ATG7: variants seen among roughly 807,000 people sequenced by gnomAD.
The protein encoded by ATG7 is autophagy related 7.
Under a neutral mutation model 82.4 loss-of-function variants are expected in ATG7, and 70 were observed. The observed-to-expected ratio is 0.85, with a 90% CI of 0.70 to 1.04. The LOEUF (loss-of-function observed/expected upper bound fraction) is 1.04, where lower values mean the gene tolerates loss of function less well. Among genes scored for constraint, ATG7 ranks in the 50% least tolerant of loss-of-function variants. The pLI, the probability that ATG7 is intolerant of heterozygous loss-of-function variation, is 0.00. For missense variants in ATG7, 792 were observed against 864.3 expected (o/e 0.92, Z 1.05); for synonymous variants, 287 against 313.0 (o/e 0.92, Z 0.88).
chr3:11,415,085 C>T (rs1162691948), intron 19 of ATG7, among the ~76,000 whole-genome samples: 1 of 152,252 alleles, frequency 6.6e-6, no homozygotes. Context: ...CTTGTTGCTC[C>T]TAGGCTGCAA....
At chr3:11,402,438 A>T (rs191667396) in intron 19 of ATG7, among the ~76,000 whole-genome samples, 54 of 152,356 alleles carry the variant, frequency 3.5e-4, no homozygotes, top group African/African-American at 1.2e-3. Flanking sequence ...GTCTCAAAAA[A>T]TAAATTAAAA....
At chr3:11,372,766 C>T (rs965600690) in intron 18 of ATG7, among the ~76,000 whole-genome samples, 3 of 151,092 alleles carry the variant, frequency 2.0e-5, no homozygotes, top group African/African-American at 7.3e-5. Flanking sequence ...TGAGGAATCC[C>T]TCTTACTAGC....
chr3:11,369,775 A>G (rs1012778243), intron 18 of ATG7, among the ~76,000 whole-genome samples: 14 of 151,172 alleles, frequency 9.3e-5, no homozygotes, highest in African/African-American at 2.9e-4. Context: ...AGTTGGGCCT[A>G]ACCTTACAGG....
intron 20 of ATG7, among the ~76,000 whole-genome samples, chr3:11,514,864 AGAGT>A (rs2092216189): frequency 7.0e-6 from 1 of 143,634 alleles, no homozygotes; most frequent in Non-Finnish European, 1.5e-5. Context: ...TTTTGGAGAG[AGAGT>A]CTCGCTCTGT....
At chr3:11,497,166 G>A (rs1339285137) in intron 20 of ATG7, among the ~76,000 whole-genome samples, 1 of 151,216 alleles carries the variant, frequency 6.6e-6, no homozygotes, top group Non-Finnish European at 1.5e-5. Flanking sequence ...TGTCATTTCT[G>A]ATGAAACCTT....
chr3:11,414,402 G>A (rs1428894173), intron 19 of ATG7, among the ~76,000 whole-genome samples: 1 of 152,126 alleles, frequency 6.6e-6, no homozygotes, highest in Admixed American at 6.5e-5. Flanking sequence ...TGCACCCTAT[G>A]TATCCTGCAG....
intron 20 of ATG7, among the ~76,000 whole-genome samples, 198 bp from the exon 21 acceptor site, chr3:11,554,613 G>A (rs569166945): frequency 2.3e-4 from 35 of 152,338 alleles, no homozygotes; most frequent in African/African-American, 8.4e-4. Flanking sequence ...GGTTCCACCA[G>A]GTGGTTCACA....
chr3:11,393,763 C>T (rs1424299646), intron 19 of ATG7, among the ~76,000 whole-genome samples: 1 of 152,110 alleles, frequency 6.6e-6, no homozygotes, highest in African/African-American at 2.4e-5. Flanking sequence ...TCACTGCAAC[C>T]TCCACCTCCA....
intron 19 of ATG7, among the ~76,000 whole-genome samples, chr3:11,411,513 A>C (rs1052172020): frequency 2.0e-5 from 3 of 149,458 alleles, no homozygotes; most frequent in Admixed American, 1.3e-4. Context: ...TCAGCTACTC[A>C]GGAGCCTGAG....
intron 9 of ATG7, among the ~76,000 whole-genome samples, chr3:11,322,599 G>A (rs867940371): frequency 6.6e-5 from 10 of 151,890 alleles, no homozygotes; most frequent in African/African-American, 2.2e-4. Context: ...TAGCATTTTA[G>A]CATAATAGTA....
At chr3:11,392,270 AT>A (rs1418711147) in intron 19 of ATG7, among the ~76,000 whole-genome samples, 1 of 152,090 alleles carries the variant, frequency 6.6e-6, no homozygotes, top group Non-Finnish European at 1.5e-5. Context: ...TTTAAGAAAC[AT>A]TTGGAGGGCA....
At chr3:11,484,373 G>A (rs369841348) in intron 20 of ATG7, among the ~76,000 whole-genome samples, 2 of 152,076 alleles carry the variant, frequency 1.3e-5, no homozygotes. Flanking sequence ...TAGCCCGGAT[G>A]ACAGGAGACT....
rs2072521525 is a variant in ATG7, at chr3:11,557,241, TAATA to T, written c.*2402_*2405del. The stretch of plus-strand genomic sequence containing the variant: ...AGTTAGTAGCTATTAATATAGCAAA[TAATA>T]AATGCAGTAATAACAGTATAAAGTC... On this transcript the variant is annotated 3_prime_UTR_variant, in exon 21 of 21. Coordinates refer to ENST00000693202, the MANE Select transcript of ATG7 (RefSeq NM_001349232.2). 1 of 152,744 alleles carries T rather than the reference TAATA, an allele frequency of 6.5e-6. No homozygotes were observed. The highest frequency in any genetic ancestry group is 2.4e-5 in the African/African-American group (1 of 41,434). The allele number at this position is 152,744 out of a possible 1,614,324, so 9.5% of individuals were successfully genotyped here.
chr3:11,304,984 CT>C (rs1290401835), intron 5 of ATG7, among the ~76,000 whole-genome samples: 1 of 152,160 alleles, frequency 6.6e-6, no homozygotes, highest in Non-Finnish European at 1.5e-5. Context: ...AAAAGACACC[CT>C]TAGCAATTAC....
chr3:11,573,071 G>A, the ATG7 span, among the ~76,000 whole-genome samples: 1 of 151,662 alleles, frequency 6.6e-6, no homozygotes, highest in Admixed American at 6.6e-5. Flanking sequence ...GAGGCTGAGG[G>A]AGGAGAATCG....
chr3:11,553,602 G>C (rs1349915088), intron 20 of ATG7, among the ~76,000 whole-genome samples: 1 of 152,152 alleles, frequency 6.6e-6, no homozygotes, highest in Admixed American at 6.5e-5. Context: ...ACCTGACCCA[G>C]AGATAGGGAC....
At chr3:11,512,109 T>C (rs1247028981) in intron 20 of ATG7, among the ~76,000 whole-genome samples, 4 of 151,800 alleles carry the variant, frequency 2.6e-5, no homozygotes, top group South Asian at 2.1e-4. Flanking sequence ...GCAGGGGAGG[T>C]GCCAAGAGCA....
intron 20 of ATG7, among the ~76,000 whole-genome samples, chr3:11,544,408 C>A (rs192813726): frequency 2.6e-5 from 4 of 152,360 alleles, no homozygotes. Context: ...CACCCTTTTT[C>A]TGACCAGCCC....
intron 20 of ATG7, among the ~76,000 whole-genome samples, chr3:11,551,968 C>T (rs1297956556): frequency 1.3e-5 from 2 of 152,132 alleles, no homozygotes; most frequent in African/African-American, 2.4e-5. Flanking sequence ...AGGCTGGTCT[C>T]GAACTCCTGA....
Sources: gnomAD v4.1 joint callset for allele counts (sites outside exome capture counted in the v4.1 genomes callset) on GRCh38, gnomAD v4.1.1 for gene constraint, MANE v1.5 for transcripts, NCBI Gene and HGNC (gene_info 2026-07-23, HGNC 2026-07-21) for gene names.